The following SEMA5B variants were observed in gnomAD, a reference collection of about 807,000 sequenced individuals.
The protein encoded by SEMA5B is semaphorin-5B.
In SEMA5B, 66 loss-of-function variants were observed where a neutral mutation model predicts 135.0. That is an observed-to-expected ratio of 0.49 (90% CI 0.40 to 0.60). The LOEUF (loss-of-function observed/expected upper bound fraction) is 0.60, where lower values mean the gene tolerates loss of function less well. SEMA5B is among the 20% of genes least tolerant of loss of function. The pLI, the probability that SEMA5B is intolerant of heterozygous loss-of-function variation, is 0.00. For synonymous variants in SEMA5B, 690 were observed against 639.5 expected, an observed-to-expected ratio of 1.08 and a Z score of -1.19; for missense variants, 1,501 against 1,566.3, an observed-to-expected ratio of 0.96 and a Z score of 0.70.
At chr3:122,994,952 C>T (rs1219916632) in intron 1 of SEMA5B, among the ~76,000 whole-genome samples, 1 of 152,092 alleles carries the variant, frequency 6.6e-6, no homozygotes, top group African/African-American at 2.4e-5. Context: ...GGAAGGAGGC[C>T]TCCAGGTGAG....
At chr3:122,961,831 G>T in intron 1 of SEMA5B, among the ~76,000 whole-genome samples, 1 of 152,016 alleles carries the variant, frequency 6.6e-6, no homozygotes, top group East Asian at 1.9e-4. Context: ...GTCCAATATG[G>T]GTCTCAGTGG....
At chr3:122,913,791 G>T in intron 15 of SEMA5B, 67 bp downstream of exon 15, 1 of 1,566,820 alleles carries the variant, frequency 6.4e-7, no homozygotes, top group Non-Finnish European at 8.7e-7. Flanking sequence ...ATCACGAGGA[G>T]AATCCAGGCC....
rs1392044253 is a variant in SEMA5B at position 122,922,247 on chromosome 3, A to G, written c.1473T>C (p.Ile491=). ...TGGACCGGGCCGGCTCACCGGTGCC[A>G]ATGTAGAGTACATGGTAGAGCGTGT... ...AKDTLYHVLY[I]GTESGTILKA... The change falls in exon 11 of 23, where the codon ATT becomes ATC. Residue 491 remains isoleucine, a synonymous_variant. Transcript: ENST00000357599. The G allele has an allele frequency of 6.2e-7, 1 of 1,611,716 alleles. No individual in the cohort carries two copies. Among genetic ancestry groups the G allele is most frequent in the Non-Finnish European group, 8.5e-7 (1 of 1,178,286 alleles).
At position 122,948,590 on chromosome 3, in the gene SEMA5B, A is replaced by C; in HGVS notation, c.244T>G (p.Ser82Ala). The change falls in exon 3 of 23, where the codon TCC (serine) becomes GCC (alanine). Residue 82 changes from serine to alanine, a missense_variant. Ser to Ala is a moderately conservative substitution (Grantham distance 99). This residue lies in a region of SEMA5B where 574 missense variants were observed against 684.7 expected (regional missense o/e 0.84). Coordinates refer to ENST00000357599, the MANE Select transcript of SEMA5B (RefSeq NM_001031702.4). Reference protein sequence around the residue: ...PSLTLLVSHLSSSQDVSSEPS... With the variant: ...PSLTLLVSHLASSQDVSSEPS... The stretch of plus-strand genomic sequence containing the variant: ...TCACTGGAGACATCCTGGGAGCTGG[A>C]GAGGTGGGACACCAGCAGTGTGAGG... The C allele has an allele frequency of 1.9e-6, 3 of 1,614,046 alleles. No individual in the cohort carries two copies. The highest frequency in any genetic ancestry group is 1.7e-6 in the Non-Finnish European group (2 of 1,179,942).
intron 1 of SEMA5B, among the ~76,000 whole-genome samples, chr3:122,988,361 G>A (rs531057795): frequency 1.6e-4 from 24 of 152,254 alleles, no homozygotes; most frequent in Non-Finnish European, 2.9e-4. Flanking sequence ...GAAGGGAGAG[G>A]ACAAAACCCA....
chr3:122,932,694 T>C (rs1388082100), intron 5 of SEMA5B, among the ~76,000 whole-genome samples: 1 of 152,128 alleles, frequency 6.6e-6, no homozygotes, highest in African/African-American at 2.4e-5. Flanking sequence ...GGCATTAGGC[T>C]AGTTTCCCAC....
intron 1 of SEMA5B, among the ~76,000 whole-genome samples, chr3:122,970,398 G>C (rs763649967): frequency 6.6e-6 from 1 of 152,200 alleles, no homozygotes; most frequent in African/African-American, 2.4e-5. Context: ...CCCTTCTCCA[G>C]AGTTTCTCAT....
intron 1 of SEMA5B, among the ~76,000 whole-genome samples, chr3:122,997,520 C>A (rs201010633): frequency 7.4e-6 from 1 of 135,494 alleles, no homozygotes; most frequent in Non-Finnish European, 1.6e-5. Context: ...CAGGCCTCTC[C>A]CCCCCCCGTC....
intron 7 of SEMA5B, among the ~76,000 whole-genome samples, 181 bp from the exon 8 acceptor site, chr3:122,928,184 C>T (rs1283179435): frequency 6.6e-6 from 1 of 152,164 alleles, no homozygotes; most frequent in Non-Finnish European, 1.5e-5. Flanking sequence ...AGGGAGAGGT[C>T]CTCCCAGTAG....
chr3:122,969,632 A>G (rs1941027056), intron 1 of SEMA5B, among the ~76,000 whole-genome samples: 1 of 151,790 alleles, frequency 6.6e-6, no homozygotes, highest in Non-Finnish European at 1.5e-5. Context: ...CCCCTAGGTC[A>G]CTCCAGCCTT....
intron 1 of SEMA5B, among the ~76,000 whole-genome samples, chr3:122,990,393 C>G (rs1312526509): frequency 6.6e-6 from 1 of 152,158 alleles, no homozygotes; most frequent in African/African-American, 2.4e-5. Context: ...GAGACCCAGA[C>G]TCATGGGGCC....
At chr3:122,946,377 G>A (rs1053055957) in intron 3 of SEMA5B, among the ~76,000 whole-genome samples, 2 of 152,178 alleles carry the variant, frequency 1.3e-5, no homozygotes, top group African/African-American at 4.8e-5. Context: ...GTTATTCACA[G>A]CTCAGTCAGG....
chr3:122,930,925 C>A (rs1446922254), intron 5 of SEMA5B, among the ~76,000 whole-genome samples: 1 of 152,208 alleles, frequency 6.6e-6, no homozygotes. Context: ...CTACATCCTG[C>A]AGCCTCTCAC....
At chr3:123,012,917 C>T (rs1196620342) in intron 1 of SEMA5B, among the ~76,000 whole-genome samples, 1 of 152,196 alleles carries the variant, frequency 6.6e-6, no homozygotes, top group Non-Finnish European at 1.5e-5. Flanking sequence ...GTGATTAGGA[C>T]TTCATGGAAG....
At chr3:122,971,118 C>T (rs994596395) in intron 1 of SEMA5B, among the ~76,000 whole-genome samples, 1 of 152,212 alleles carries the variant, frequency 6.6e-6, no homozygotes, top group African/African-American at 2.4e-5. Flanking sequence ...AGCATAGTGC[C>T]CTGGAAGTGC....
chr3:123,002,656 G>A (rs1023667261), intron 1 of SEMA5B, among the ~76,000 whole-genome samples: 5 of 152,202 alleles, frequency 3.3e-5, no homozygotes, highest in African/African-American at 1.2e-4. Context: ...GCCTCTTGAA[G>A]CCCCGACCTG....
intron 1 of SEMA5B, among the ~76,000 whole-genome samples, chr3:122,985,266 G>C (rs146941765): frequency 1.7e-3 from 262 of 152,282 alleles, no homozygotes; most frequent in African/African-American, 5.9e-3. Context: ...GCCAAGGCAG[G>C]AGGATTGCTT....
intron 1 of SEMA5B, among the ~76,000 whole-genome samples, chr3:122,968,481 G>T (rs780821925): frequency 6.6e-6 from 1 of 152,204 alleles, no homozygotes; most frequent in African/African-American, 2.4e-5. Flanking sequence ...TGGGGATCCA[G>T]CCCCAAGGTG....
intron 1 of SEMA5B, among the ~76,000 whole-genome samples, chr3:122,967,386 AT>A (rs1035266820): frequency 6.6e-6 from 1 of 152,142 alleles, no homozygotes; most frequent in Non-Finnish European, 1.5e-5. Flanking sequence ...TTAACGTGGC[AT>A]TTCCTAGGAG....
Sources: allele counts gnomAD v4.1 joint callset (sites outside exome capture counted in the v4.1 genomes callset), GRCh38; gene constraint gnomAD v4.1.1; regional missense constraint gnomAD v4.1.1; transcripts MANE v1.5; gene names NCBI Gene and HGNC (gene_info 2026-07-23, HGNC 2026-07-21).